SHQ1: variants seen among roughly 807,000 people sequenced by gnomAD.
The protein encoded by SHQ1 is protein SHQ1 homolog.
In SHQ1, 49 loss-of-function variants were observed where a neutral mutation model predicts 53.8. The ratio of observed to expected loss-of-function variants is 0.91; its 90% CI spans 0.72 to 1.16. The LOEUF (loss-of-function observed/expected upper bound fraction) is 1.16, where lower values mean the gene tolerates loss of function less well. Among genes scored for constraint, SHQ1 ranks in the 50% most tolerant of loss-of-function variants. SHQ1 has a pLI of 0.00. For synonymous variants in SHQ1, 243 were observed against 251.0 expected (o/e 0.97, Z 0.30); for missense variants, 738 against 683.1 (o/e 1.08, Z -0.90).
intron 10 of SHQ1, among the ~76,000 whole-genome samples, chr3:72,751,494 G>GTATACATATA (rs1431742565): frequency 1.0e-5 from 1 of 97,534 alleles, no homozygotes; most frequent in Non-Finnish European, 2.1e-5. Flanking sequence ...GTGTGTGTGT[G>GTATACATATA]TGTGTGTGTG....
Position 72,761,937 on chromosome 3 carries a change from TA to T in SHQ1, c.1182-11102del, listed in dbSNP as rs1486122305. ...ACGATAAACAGGTGGGCTACATGTT[TA>T]AAAAGTCCTCCATCAGAATGACTCT... On this transcript the variant is annotated intron_variant, in intron 10 of 10. Coordinates refer to ENST00000325599, the MANE Select transcript of SHQ1 (RefSeq NM_018130.3). Among the ~76,000 whole-genome samples the T allele has an allele frequency of 2.0e-5, 3 of 152,186 alleles. No individual in the cohort carries two copies. In the East Asian group the frequency reaches 5.8e-4, roughly 29 times the overall value.
chr3:72,787,191 T>C (rs1171880900), intron 10 of SHQ1, among the ~76,000 whole-genome samples: 1 of 152,224 alleles, frequency 6.6e-6, no homozygotes, highest in Non-Finnish European at 1.5e-5. Context: ...GGTCAGAAGA[T>C]TTCAGCAAAA....
the SHQ1 span, among the ~76,000 whole-genome samples, chr3:72,743,470 G>A: frequency 6.6e-6 from 1 of 152,206 alleles, no homozygotes; most frequent in Admixed American, 6.5e-5. Context: ...CAGGAGATGA[G>A]GACCCCAGAC....
chr3:72,821,515 C>T (rs564365852), intron 6 of SHQ1, among the ~76,000 whole-genome samples: 3 of 152,158 alleles, frequency 2.0e-5, no homozygotes, highest in East Asian at 3.9e-4. Flanking sequence ...AGAATTACAA[C>T]CAAGGGAGAA....
chr3:72,780,328 T>C (rs1179536794), intron 10 of SHQ1, among the ~76,000 whole-genome samples: 1 of 152,184 alleles, frequency 6.6e-6, no homozygotes, highest in East Asian at 1.9e-4. Flanking sequence ...CACTAACTTA[T>C]ACAGCATTAA....
At chr3:72,726,269 C>T in the SHQ1 span, among the ~76,000 whole-genome samples, 1 of 152,178 alleles carries the variant, frequency 6.6e-6, no homozygotes, top group Non-Finnish European at 1.5e-5. Context: ...TCAGCCAGGC[C>T]GCCTCCCAGG....
chr3:72,833,885 A>C (rs1052236194), intron 4 of SHQ1, among the ~76,000 whole-genome samples: 15 of 152,368 alleles, frequency 9.8e-5, no homozygotes, highest in Admixed American at 7.2e-4. Flanking sequence ...ACAAGTGAGA[A>C]GTACAGAAAC....
chr3:72,772,406 A>T (rs1420022522), intron 10 of SHQ1: 2 of 350,330 alleles, frequency 5.7e-6, no homozygotes, highest in Non-Finnish European at 1.1e-5. Flanking sequence ...CTGCAGGCAA[A>T]CCATCAAGAA....
downstream of SHQ1, among the ~76,000 whole-genome samples, chr3:72,745,726 A>G (rs1230134153): frequency 6.6e-6 from 1 of 151,316 alleles, no homozygotes; most frequent in East Asian, 1.9e-4. Flanking sequence ...TCCAGTTTAT[A>G]AAAGTGCTTT....
chr3:72,753,012 T>C (rs1575673294), intron 10 of SHQ1: 2 of 985,390 alleles, frequency 2.0e-6, no homozygotes, highest in South Asian at 9.4e-5. Context: ...TATTACATTG[T>C]ATCGAGTAAA....
chr3:72,841,351 GCA>G, intron 3 of SHQ1, 152 bp from the exon 4 acceptor site: 1 of 449,992 alleles, frequency 2.2e-6, no homozygotes, highest in Non-Finnish European at 3.7e-6. Context: ...ATTCGTGACA[GCA>G]AAAAAAAAAA....
Position 72,824,306 on chromosome 3 carries a change from T to C in SHQ1, c.727+118A>G. ...CATTTCCAAAATTAGCAATTCAAAC[T>C]CATATTTTAACATTATAAGGCAATT... is the stretch of plus-strand genomic sequence containing the variant. On this transcript the variant is annotated intron_variant, in intron 6 of 10. Coordinates refer to ENST00000325599, the MANE Select transcript of SHQ1 (RefSeq NM_018130.3). The C allele has an allele frequency of 1.5e-5, 18 of 1,234,326 alleles. 1 individual carries two copies. The highest frequency in any genetic ancestry group is 1.9e-5 in the Non-Finnish European group (17 of 907,778). The allele number at this position is 1,234,326 out of a possible 1,614,324, so 76.5% of individuals were successfully genotyped here.
intron 10 of SHQ1, among the ~76,000 whole-genome samples, chr3:72,790,538 T>C (rs1456002520): frequency 1.3e-5 from 2 of 151,906 alleles, no homozygotes; most frequent in African/African-American, 2.4e-5. Flanking sequence ...GTAGAAGAAA[T>C]AAACCAGAAG....
At position 72,821,535 on chromosome 3, in the gene SHQ1, G is replaced by A. The variant is rs546808268; in HGVS notation, c.727+2889C>T. Among the ~76,000 whole-genome samples, 20 of 152,302 alleles carry A rather than the reference G, an allele frequency of 1.3e-4. No homozygotes were observed. The South Asian group carries it at 4.2e-3, about 32-fold the overall frequency. On this transcript the variant is annotated intron_variant, in intron 6 of 10. Coordinates refer to ENST00000325599, the MANE Select transcript of SHQ1 (RefSeq NM_018130.3). ...TACAACCAAGGGAGAAAAAGAGGGA[G>A]CAAAGTTCACCACCTAAGGCTTATC... is the stretch of plus-strand genomic sequence containing the variant.
chr3:72,834,083 G>C (rs1308983291), intron 4 of SHQ1, among the ~76,000 whole-genome samples: 2 of 152,232 alleles, frequency 1.3e-5, no homozygotes, highest in African/African-American at 4.8e-5. Context: ...ATCAGTTAGA[G>C]ATAGGATAGA....
intron 1 of SHQ1, 56 bp downstream of exon 1, chr3:72,848,142 C>T: frequency 6.2e-7 from 1 of 1,607,058 alleles, no homozygotes; most frequent in South Asian, 1.1e-5. Flanking sequence ...CATTCTCCCT[C>T]TAAAGCAGCT....
Position 72,846,298 on chromosome 3 carries a change from CTTTTTTTT to C in SHQ1, c.144-1883_144-1876del, listed in dbSNP as rs745807243. 1.1e-3 allele frequency: 1,577 copies of C among 1,424,028 alleles called. 26 individuals are homozygous for C. In the African/African-American group the frequency reaches 0.021, roughly 19 times the overall value. 88.2% of individuals were successfully genotyped at this position (1,424,028 alleles called of 1,614,324 possible). A position where few individuals can be genotyped will look rare whatever the true frequency, so the allele number is the denominator to read the frequency against. On this transcript the variant is annotated intron_variant, in intron 1 of 10. Transcript: ENST00000325599. ...TCCTTGGTATAGCAAACTGTATGTT[CTTTTTTTT>C]TTTTTTTTTAGACAGTCTCGCTCTG...
At position 72,749,422 on chromosome 3, in the gene SHQ1, A is replaced by T; in HGVS notation, c.*862T>A. On this transcript the variant is annotated 3_prime_UTR_variant, in exon 11 of 11. Coordinates refer to ENST00000325599, the MANE Select transcript of SHQ1 (RefSeq NM_018130.3). The stretch of plus-strand genomic sequence containing the variant: ...ACATAAAAACAAAAACTCGTGACAC[A>T]TGCTACCACATGGATGAATCTCAAA... 4.5e-6 allele frequency: 1 copy of T among 222,190 alleles called. No homozygotes were observed. The highest frequency in any genetic ancestry group is 9.0e-6 in the Non-Finnish European group (1 of 110,980). 13.8% of individuals were successfully genotyped at this position (222,190 alleles called of 1,614,324 possible).
At chr3:72,744,314 C>T (rs886527047), downstream of SHQ1, among the ~76,000 whole-genome samples, 3 of 152,188 alleles carry the variant, frequency 2.0e-5, no homozygotes, top group Non-Finnish European at 4.4e-5. Flanking sequence ...AATATGGAGA[C>T]AGAGCATTTG....
Sources: gnomAD v4.1 joint callset for allele counts (sites outside exome capture counted in the v4.1 genomes callset) on GRCh38, gnomAD v4.1.1 for gene constraint, MANE v1.5 for transcripts, NCBI Gene and HGNC (gene_info 2026-07-23, HGNC 2026-07-21) for gene names.